The following U2SURP variants were observed in gnomAD, a reference collection of about 807,000 sequenced individuals.
U2SURP encodes U2 snRNP associated SURP domain containing, also known as U2 snRNP-associated SURP motif-containing protein.
Under a neutral mutation model 144.9 loss-of-function variants are expected in U2SURP, and 9 were observed. That is an observed-to-expected ratio of 0.06 (90% CI 0.04 to 0.11). The LOEUF is 0.11. Among genes scored for constraint, U2SURP ranks in the 10% least tolerant of loss-of-function variants. The probability of loss-of-function intolerance (pLI) is 1.00; values close to 1 mark genes in which losing one functional copy is unlikely to be tolerated. For missense variants in U2SURP, 724 were observed against 1,226.7 expected (o/e 0.59, Z 6.12); for synonymous variants, 408 against 396.8 (o/e 1.03, Z -0.33).
chr3:143,011,186 T>A (rs531046140), intron 2 of U2SURP, among the ~76,000 whole-genome samples: 163 of 152,274 alleles, frequency 1.1e-3, no homozygotes, highest in Middle Eastern at 6.8e-3. Context: ...ACAAAACATA[T>A]GTTGGAAATC....
At chr3:143,041,302 T>A (rs2108303566) in intron 23 of U2SURP, among the ~76,000 whole-genome samples, 1 of 152,038 alleles carries the variant, frequency 6.6e-6, no homozygotes, top group South Asian at 2.1e-4. Flanking sequence ...TTCTTGTGTT[T>A]TAAAAAAATT....
At position 143,056,367 on chromosome 3, in the gene U2SURP, C is replaced by T. The variant is rs1935153149; in HGVS notation, c.3007C>T (p.Pro1003Ser). The T allele has an allele frequency of 6.2e-7, 1 of 1,612,356 alleles. No homozygotes were observed. Among genetic ancestry groups the T allele is most frequent in the Non-Finnish European group, 8.5e-7 (1 of 1,179,142 alleles). ...GTCTAGGCGATCACGGTCTAGATCT[C>T]CTAAAAAATCAGGAAAGAAGTCCAG... Reference protein sequence around the residue: ...KRSRRSRSRSPKKSGKKSRSQ... With the variant: ...KRSRRSRSRSSKKSGKKSRSQ... Residue 1003 changes from proline (P) to serine (S), a missense_variant, in exon 28 of 28, where the codon CCT becomes TCT. Physicochemically the swap from Pro to Ser is moderately conservative, Grantham distance 74. Around this residue, in one of 13 missense-constraint regions of U2SURP, gnomAD observed 129 missense variants for 196.1 expected, o/e 0.66. Coordinates refer to ENST00000473835, the MANE Select transcript of U2SURP (RefSeq NM_001080415.2).
intron 11 of U2SURP, 28 bp downstream of exon 11, chr3:143,022,690 A>G: frequency 6.3e-7 from 1 of 1,588,576 alleles, no homozygotes; most frequent in Admixed American, 1.8e-5. Flanking sequence ...ATCCATTTAT[A>G]CAATTCAGAT....
intron 22 of U2SURP, among the ~76,000 whole-genome samples, chr3:143,038,421 A>ATC (rs1351307492): frequency 6.6e-6 from 1 of 152,006 alleles, no homozygotes; most frequent in Non-Finnish European, 1.5e-5. Context: ...GAGTAATGAG[A>ATC]TATCACTGAA....
At chr3:143,005,198 T>G (rs201371288) in intron 1 of U2SURP, among the ~76,000 whole-genome samples, 3 of 74,424 alleles carry the variant, frequency 4.0e-5, no homozygotes, top group African/African-American at 2.4e-4. Context: ...GGTGAATGGA[T>G]AAAACAAAAT....
At chr3:143,006,291 T>TTAAG (rs1935828695) in intron 1 of U2SURP, among the ~76,000 whole-genome samples, 1 of 152,254 alleles carries the variant, frequency 6.6e-6, no homozygotes, top group African/African-American at 2.4e-5. Flanking sequence ...GATAGTGGTA[T>TTAAG]TAAGCTAGGT....
chr3:143,018,751 C>A (rs1936499160), intron 6 of U2SURP, among the ~76,000 whole-genome samples: 1 of 152,080 alleles, frequency 6.6e-6, no homozygotes, highest in Non-Finnish European at 1.5e-5. Context: ...CATGGAGAAA[C>A]CCCGTCTCTA....
Position 143,053,742 on chromosome 3 carries a change from C to T in U2SURP, c.2722C>T (p.Arg908Cys), listed in dbSNP as rs1227895147. Reference protein sequence around the residue: ...DKKDKEKLESRSKDKKEKDEC... With the variant: ...DKKDKEKLESCSKDKKEKDEC... ...GAAAGATAAAGAAAAATTGGAATCT[C>T]GCTCCAAAGACAAGAAGGAAAAAGA... is the stretch of plus-strand genomic sequence containing the variant. Residue 908 changes from arginine (R) to cysteine (C), a missense_variant, in exon 26 of 28, where the codon CGC becomes TGC. Physicochemically the swap from Arg to Cys is radical, Grantham distance 180. This residue lies in a region of U2SURP where 129 missense variants were observed against 196.1 expected (regional missense o/e 0.66). Coordinates refer to ENST00000473835, the MANE Select transcript of U2SURP (RefSeq NM_001080415.2). 5.6e-6 allele frequency: 9 copies of T among 1,608,548 alleles called. No individual in the cohort carries two copies. Among genetic ancestry groups the T allele is most frequent in the Non-Finnish European group, 6.8e-6 (8 of 1,177,412 alleles).
intron 16 of U2SURP, among the ~76,000 whole-genome samples, chr3:143,032,122 G>A (rs909777274): frequency 1.3e-5 from 2 of 151,658 alleles, no homozygotes; most frequent in South Asian, 2.1e-4. Context: ...ACCCAGGCTG[G>A]CATGCAGTGG....
rs1223947348 is a variant in U2SURP at position 143,010,730 on chromosome 3, ACT to A, written c.46-82_46-81del. The A allele has an allele frequency of 2.0e-5, 20 of 1,019,572 alleles. No homozygotes were observed. In the African/African-American group the frequency reaches 2.4e-4, roughly 12 times the overall value. 63.2% of individuals were successfully genotyped at this position (1,019,572 alleles called of 1,614,324 possible). On this transcript the variant is annotated intron_variant, in intron 1 of 27. Coordinates refer to ENST00000473835, the MANE Select transcript of U2SURP (RefSeq NM_001080415.2). Reference sequence around the variant, plus strand: ...AGGAGAAATTGCCAGAAGTTAGGAAACTCTTAAGTTTGTATAACACGAGAGAC... The same window carrying A: ...AGGAGAAATTGCCAGAAGTTAGGAAACTTAAGTTTGTATAACACGAGAGAC...
At chr3:143,011,577 C>G (rs992927410) in intron 2 of U2SURP, among the ~76,000 whole-genome samples, 4 of 152,058 alleles carry the variant, frequency 2.6e-5, no homozygotes, top group Admixed American at 2.0e-4. Flanking sequence ...CACTTCAGCA[C>G]AGATCAAGGC....
chr3:143,011,630 C>A (rs1578115432), intron 2 of U2SURP, among the ~76,000 whole-genome samples: 1 of 151,972 alleles, frequency 6.6e-6, no homozygotes, highest in South Asian at 2.1e-4. Context: ...TTCTTCCCCA[C>A]CAGGCACAAT....
chr3:143,038,939 C>T lies in U2SURP; in HGVS notation c.2363C>T (p.Ser788Leu). ...KWELFDQHEESEEEENQNQEE... is the reference protein window; with the variant it reads ...KWELFDQHEELEEEENQNQEE... ...GAATTATTTGACCAGCATGAAGAATCAGAAGAAGAAGAAAATCAAAAGTAA... is the reference window on the plus strand; with the variant it reads ...GAATTATTTGACCAGCATGAAGAATTAGAAGAAGAAGAAAATCAAAAGTAA... The change falls in exon 23 of 28, where the codon TCA becomes TTA. Residue 788 changes from serine (S) to leucine (L), a missense_variant. This residue lies in a region of U2SURP where 50 missense variants were observed against 48.0 expected (regional missense o/e 1.04). Coordinates refer to ENST00000473835, the MANE Select transcript of U2SURP (RefSeq NM_001080415.2). 6.5e-7 allele frequency: 1 copy of T among 1,540,866 alleles called. No individual in the cohort carries two copies. Among genetic ancestry groups the T allele is most frequent in the Non-Finnish European group, 8.7e-7 (1 of 1,145,220 alleles).
At chr3:143,051,682 A>T (rs1004503958) in intron 25 of U2SURP, among the ~76,000 whole-genome samples, 5 of 151,122 alleles carry the variant, frequency 3.3e-5, no homozygotes, top group South Asian at 2.1e-4. Flanking sequence ...ATAAAAAGGG[A>T]ACTTACAATC....
At chr3:143,042,127 T>A (rs1436831997) in intron 23 of U2SURP, among the ~76,000 whole-genome samples, 1 of 152,106 alleles carries the variant, frequency 6.6e-6, no homozygotes, top group African/African-American at 2.4e-5. Context: ...CTAGACTGCT[T>A]CTGGAAGGAC....
At chr3:143,015,939 C>T (rs1936355210) in intron 4 of U2SURP, among the ~76,000 whole-genome samples, 1 of 152,040 alleles carries the variant, frequency 6.6e-6, no homozygotes, top group African/African-American at 2.4e-5. Flanking sequence ...ACTTGGTAAA[C>T]ATTACTAGCA....
intron 13 of U2SURP, chr3:143,025,883 G>C (rs1445280922): frequency 1.3e-5 from 2 of 152,006 alleles, no homozygotes; most frequent in Non-Finnish European, 2.9e-5. Context: ...CCTTGAGATA[G>C]ATTATTTTAT....
At chr3:143,040,073 T>TA (rs538032555) in intron 23 of U2SURP, among the ~76,000 whole-genome samples, 50 of 152,072 alleles carry the variant, frequency 3.3e-4, no homozygotes, top group African/African-American at 1.2e-3. Flanking sequence ...AGTAACATCT[T>TA]ACCATTTTAG....
intron 13 of U2SURP, 61 bp from the exon 14 acceptor site, chr3:143,027,088 A>G: frequency 1.6e-6 from 2 of 1,234,864 alleles, no homozygotes; most frequent in Non-Finnish European, 2.4e-6. Context: ...ACTTAGGTCA[A>G]GTGTAGTTTT....
Sources: allele counts gnomAD v4.1 joint callset (sites outside exome capture counted in the v4.1 genomes callset), GRCh38; gene constraint gnomAD v4.1.1; regional missense constraint gnomAD v4.1.1; transcripts MANE v1.5; gene names NCBI Gene and HGNC (gene_info 2026-07-23, HGNC 2026-07-21).